The following SP100 variants were observed in gnomAD, a reference collection of about 807,000 sequenced individuals.
SP100 encodes the protein nuclear autoantigen Sp-100.
In SP100, 84 loss-of-function variants were observed where a neutral mutation model predicts 130.0. That is an observed-to-expected ratio of 0.65 (90% CI 0.54 to 0.77). SP100 has a LOEUF of 0.77. Among genes scored for constraint, SP100 ranks in the 30% least tolerant of loss-of-function variants. The pLI is 0.00. For synonymous variants in SP100, 331 were observed against 351.7 expected, an observed-to-expected ratio of 0.94 and a Z score of 0.66; for missense variants, 978 against 1,052.2, an observed-to-expected ratio of 0.93 and a Z score of 0.97.
intron 24 of SP100, among the ~76,000 whole-genome samples, chr2:230,514,000 A>C (rs1690762819): frequency 6.6e-6 from 1 of 152,116 alleles, no homozygotes; most frequent in Non-Finnish European, 1.5e-5. Context: ...TGAACAAGTC[A>C]TCAATTTATA....
chr2:230,541,722 C>T (rs856838), intron 27 of SP100, among the ~76,000 whole-genome samples, 170 bp from the exon 28 acceptor site: 25,570 of 152,104 alleles, frequency 0.17, 2,629 homozygotes, highest in Non-Finnish European at 0.23. Context: ...TTCATGAGGG[C>T]TCCACCCTTC....
At chr2:230,498,105 T>C (rs2150054259) in intron 18 of SP100, among the ~76,000 whole-genome samples, 1 of 152,348 alleles carries the variant, frequency 6.6e-6, no homozygotes, top group Admixed American at 6.5e-5. Context: ...AATTAGTAGA[T>C]GTAAATATCT....
chr2:230,541,442 A>C, intron 27 of SP100, 70 bp downstream of exon 27: 21 of 1,295,508 alleles, frequency 1.6e-5, no homozygotes, highest in Non-Finnish European at 2.2e-5. Flanking sequence ...CCCATGGCAC[A>C]AGGTGCCATT....
chr2:230,501,693 A>G (rs1678205), intron 19 of SP100, among the ~76,000 whole-genome samples: 127,291 of 152,048 alleles, frequency 0.84, 53,621 homozygotes, highest in Middle Eastern at 0.93. Flanking sequence ...ACCCAAATCC[A>G]CACCCTATGA....
chr2:230,466,010 C>T (rs2064926693), intron 11 of SP100, among the ~76,000 whole-genome samples: 1 of 151,754 alleles, frequency 6.6e-6, no homozygotes, highest in African/African-American at 2.4e-5. Flanking sequence ...CACAGTGAAA[C>T]CCCGTCTTTA....
rs1331173281 is a variant in SP100, at chr2:230,543,085, T to G, written c.*139T>G. 1.8e-6 allele frequency: 1 copy of G among 540,602 alleles called. No homozygotes were observed. The highest frequency in any genetic ancestry group is 1.9e-5 in the African/African-American group (1 of 51,440). The allele number at this position is 540,602 out of a possible 1,614,324, so 33.5% of individuals were successfully genotyped here. A position where few individuals can be genotyped will look rare whatever the true frequency, so the allele number is the denominator to read the frequency against. The stretch of plus-strand genomic sequence containing the variant: ...TTATCATTGCCATTTTAAAACCGTC[T>G]TTTCAGCTTTCAATAAAATTCAACA... On this transcript the variant is annotated 3_prime_UTR_variant, in exon 29 of 29. Coordinates refer to ENST00000340126, the MANE Select transcript of SP100 (RefSeq NM_001080391.2).
At chr2:230,493,453 G>T (rs896823124) in intron 17 of SP100, among the ~76,000 whole-genome samples, 1 of 152,264 alleles carries the variant, frequency 6.6e-6, no homozygotes, top group South Asian at 2.1e-4. Flanking sequence ...CTGAGCTCAG[G>T]TGATCCACCT....
At position 230,541,298 on chromosome 2, in the gene SP100, C is replaced by T; in HGVS notation, c.2332-3C>T. On this transcript the variant is annotated splice_region_variant and splice_polypyrimidine_tract_variant and intron_variant, in intron 26 of 28. Transcript: ENST00000340126. ...AATTTGAAATGGCCTCCATCTTTTG[C>T]AGAAATGTGAATTCCTCCTCTTGAA... 2 of 1,613,286 alleles carry T rather than the reference C, an allele frequency of 1.2e-6. No individual in the cohort carries two copies. The highest frequency in any genetic ancestry group is 1.1e-5 in the South Asian group (1 of 90,944).
At chr2:230,484,261 C>T (rs1418852564) in intron 17 of SP100, among the ~76,000 whole-genome samples, 4 of 152,206 alleles carry the variant, frequency 2.6e-5, no homozygotes, top group Admixed American at 2.6e-4. Flanking sequence ...GCATAGGTGA[C>T]TCAAATAATT....
In SP100 at chr2:230,446,887, C is replaced by CT; in HGVS notation, c.509dup (p.Ser171LysfsTer3). ...GAGGGAGGAGAGGTCTGGCCTCCAA[C>CT]TAAGTCTTGAACAAGGTAAAAATGA... On this transcript the variant is annotated frameshift_variant, in exon 5 of 29. Transcript: ENST00000340126. LOFTEE classifies it high-confidence loss of function. The CT allele has an allele frequency of 1.9e-6, 3 of 1,608,412 alleles. No homozygotes were observed. Among genetic ancestry groups the CT allele is most frequent in the African/African-American group, 1.3e-5 (1 of 74,830 alleles).
intron 3 of SP100, 84 bp downstream of exon 3, chr2:230,443,183 G>A (rs2063538150): frequency 7.2e-6 from 10 of 1,383,972 alleles, no homozygotes; most frequent in Non-Finnish European, 9.0e-6. Flanking sequence ...AAACTTCAGG[G>A]TACAATTTGC....
chr2:230,461,257 A>G lies in SP100; in HGVS notation c.821-5A>G, dbSNP rs1225455027. The G allele has an allele frequency of 5.6e-6, 9 of 1,613,068 alleles. No homozygotes were observed. The highest frequency in any genetic ancestry group is 7.6e-6 in the Non-Finnish European group (9 of 1,179,592). Reference sequence around the variant, plus strand: ...AAATGAAAATTCTTCATTTATTACAATTAGGCCCAGAGGCAGAGCTACACA... The same window carrying G: ...AAATGAAAATTCTTCATTTATTACAGTTAGGCCCAGAGGCAGAGCTACACA... On this transcript the variant is annotated splice_polypyrimidine_tract_variant and splice_region_variant and intron_variant, in intron 8 of 28. Coordinates refer to ENST00000340126, the MANE Select transcript of SP100 (RefSeq NM_001080391.2).
chr2:230,498,527 A>G lies in SP100; in HGVS notation c.1712A>G (p.Gln571Arg). 1 of 1,452,852 alleles carries G rather than the reference A, an allele frequency of 6.9e-7. No individual in the cohort carries two copies. Among genetic ancestry groups the G allele is most frequent in the Non-Finnish European group, 9.1e-7 (1 of 1,102,844 alleles). The allele number at this position is 1,452,852 out of a possible 1,614,324, so 90.0% of individuals were successfully genotyped here. A position where few individuals can be genotyped will look rare whatever the true frequency, so the allele number is the denominator to read the frequency against. The change falls in exon 19 of 29, where the codon CAA (glutamine) becomes CGA (arginine). Residue 571 changes from glutamine (Q) to arginine (R), a missense_variant. Physicochemically the swap from Gln to Arg is conservative, Grantham distance 43 (BLOSUM62 1). Transcript: ENST00000340126. Reference sequence around the variant, plus strand: ...AACAAAGTCCAAAAGAAAAGATGGCAACAAAGAGGTAAAAAAAAAAAAATA... The same window carrying G: ...AACAAAGTCCAAAAGAAAAGATGGCGACAAAGAGGTAAAAAAAAAAAAATA... ...LNNKVQKKRW[Q>R]QRGRKANTRP...
intron 24 of SP100, among the ~76,000 whole-genome samples, chr2:230,516,895 A>G (rs1690943271): frequency 6.6e-6 from 1 of 152,222 alleles, no homozygotes; most frequent in Non-Finnish European, 1.5e-5. Context: ...CATTAAAACT[A>G]TTAGATTTTT....
chr2:230,525,940 G>A (rs894753627), intron 24 of SP100, among the ~76,000 whole-genome samples: 1 of 152,234 alleles, frequency 6.6e-6, no homozygotes, highest in Non-Finnish European at 1.5e-5. Flanking sequence ...GCTCAGCAAG[G>A]CCTACTGCCT....
intron 19 of SP100, among the ~76,000 whole-genome samples, chr2:230,499,017 T>C (rs2066856212): frequency 6.6e-6 from 1 of 152,092 alleles, no homozygotes; most frequent in Non-Finnish European, 1.5e-5. Context: ...CCATGTGGCT[T>C]CTCATTCCGT....
At chr2:230,515,773 T>A in intron 24 of SP100, 1 of 1,495,030 alleles carries the variant, frequency 6.7e-7, no homozygotes, top group South Asian at 1.4e-5. Context: ...ACTGTGTTTT[T>A]TTGTATAGTT....
At chr2:230,464,959 C>T (rs1463249300) in intron 11 of SP100, among the ~76,000 whole-genome samples, 6 of 152,072 alleles carry the variant, frequency 3.9e-5, no homozygotes, top group Middle Eastern at 3.4e-3. Flanking sequence ...AGGCATGGGC[C>T]GGGTGCAGTG....
intron 19 of SP100, among the ~76,000 whole-genome samples, chr2:230,502,223 C>T (rs963618591): frequency 1.3e-5 from 2 of 152,060 alleles, no homozygotes; most frequent in Non-Finnish European, 2.9e-5. Flanking sequence ...CTATCTTTAA[C>T]CATACAACTC....
Sources: gnomAD v4.1 joint callset for allele counts (sites outside exome capture counted in the v4.1 genomes callset) on GRCh38, gnomAD v4.1.1 for gene constraint, MANE v1.5 for transcripts, NCBI Gene and HGNC (gene_info 2026-07-23, HGNC 2026-07-21) for gene names.